The following NCAM2 variants were observed in gnomAD, a reference collection of about 807,000 sequenced individuals.
NCAM2 encodes the protein neural cell adhesion molecule 2, also known as N-CAM-2.
Under a neutral mutation model 98.1 loss-of-function variants are expected in NCAM2, and 30 were observed. The ratio of observed to expected loss-of-function variants is 0.31; its 90% CI spans 0.23 to 0.41. The LOEUF (loss-of-function observed/expected upper bound fraction) is 0.41, where lower values mean the gene tolerates loss of function less well. NCAM2 is among the 10% of genes least tolerant of loss of function. The pLI is 1.00. For synonymous variants in NCAM2, 368 were observed against 342.4 expected (o/e 1.07, Z -0.83); for missense variants, 867 against 1,005.8 (o/e 0.86, Z 1.87).
chr21:21,162,396 T>G (rs2067812174), intron 1 of NCAM2, among the ~76,000 whole-genome samples: 1 of 152,032 alleles, frequency 6.6e-6, no homozygotes, highest in African/African-American at 2.4e-5. Flanking sequence ...ACATAAAACA[T>G]AAAGATGAAT....
At chr21:21,205,389 A>T (rs1251185216) in intron 1 of NCAM2, among the ~76,000 whole-genome samples, 2 of 152,120 alleles carry the variant, frequency 1.3e-5, no homozygotes, top group East Asian at 3.9e-4. Context: ...TCAGAATCTG[A>T]TGGAGTGTAG....
chr21:21,394,788 C>A (rs945315428), intron 9 of NCAM2, among the ~76,000 whole-genome samples: 1 of 152,000 alleles, frequency 6.6e-6, no homozygotes, highest in African/African-American at 2.4e-5. Flanking sequence ...TTATAAAGGT[C>A]TAAGAAAGAC....
chr21:21,095,742 A>G (rs2066108992), intron 1 of NCAM2, among the ~76,000 whole-genome samples: 1 of 151,644 alleles, frequency 6.6e-6, no homozygotes, highest in Non-Finnish European at 1.5e-5. Context: ...GTATTTGATT[A>G]TCACCTATTT....
intron 1 of NCAM2, among the ~76,000 whole-genome samples, chr21:21,256,106 G>GTGGCTCACGCAGTGGCT (rs1461062623): frequency 1.3e-5 from 2 of 152,148 alleles, no homozygotes; most frequent in Admixed American, 6.6e-5. Flanking sequence ...TGTAATCCTA[G>GTGGCTCACGCAGTGGCT]CACTTTGGGA....
chr21:21,043,399 G>A (rs1419762184), intron 1 of NCAM2, among the ~76,000 whole-genome samples: 1 of 152,116 alleles, frequency 6.6e-6, no homozygotes, highest in Non-Finnish European at 1.5e-5. Context: ...ATGAGATAAT[G>A]TATATAAATT....
intron 5 of NCAM2, among the ~76,000 whole-genome samples, chr21:21,309,967 G>C (rs1206009930): frequency 6.6e-6 from 1 of 152,000 alleles, no homozygotes; most frequent in Non-Finnish European, 1.5e-5. Context: ...AGATAAATTG[G>C]GTATACGTTT....
chr21:21,282,503 A>T (rs577214259), intron 2 of NCAM2, among the ~76,000 whole-genome samples: 27 of 151,830 alleles, frequency 1.8e-4, no homozygotes, highest in Non-Finnish European at 2.5e-4. Context: ...TATAGTAGTA[A>T]AACAAGATTC....
chr21:21,057,425 A>C (rs898832145), intron 1 of NCAM2, among the ~76,000 whole-genome samples: 18 of 152,132 alleles, frequency 1.2e-4, no homozygotes, highest in Non-Finnish European at 2.1e-4. Context: ...TTCCATTTTA[A>C]AGATTTTATG....
chr21:21,498,350 T>G (rs2146327680), intron 15 of NCAM2, among the ~76,000 whole-genome samples: 1 of 152,294 alleles, frequency 6.6e-6, no homozygotes, highest in East Asian at 1.9e-4. Context: ...CTTTGCAGTT[T>G]TCTCTTCATA....
intron 1 of NCAM2, among the ~76,000 whole-genome samples, chr21:21,149,867 A>G (rs920624809): frequency 3.9e-5 from 6 of 152,156 alleles, no homozygotes; most frequent in African/African-American, 1.4e-4. Flanking sequence ...ATAATGTTTC[A>G]ATAAACATAC....
intron 1 of NCAM2, among the ~76,000 whole-genome samples, chr21:21,111,815 C>T (rs2066460219): frequency 1.3e-5 from 2 of 151,950 alleles, no homozygotes. Context: ...ATGGAACATT[C>T]CACTCCACTA....
chr21:21,225,667 A>T (rs2147155584), intron 1 of NCAM2, among the ~76,000 whole-genome samples: 1 of 152,150 alleles, frequency 6.6e-6, no homozygotes, highest in Admixed American at 6.6e-5. Flanking sequence ...TAATATCTTA[A>T]TATTTACTCA....
chr21:21,234,416 A>G (rs962386900), intron 1 of NCAM2, among the ~76,000 whole-genome samples: 2 of 152,006 alleles, frequency 1.3e-5, no homozygotes, highest in Non-Finnish European at 2.9e-5. Flanking sequence ...TCCTTGTAAG[A>G]ATATATATTA....
rs966202571 is a variant in NCAM2 at position 21,373,347 on chromosome 21, T to C, written c.1045-516T>C. On this transcript the variant is annotated intron_variant, in intron 8 of 17. Transcript: ENST00000400546. ...ATTATTTAGGCAATCAGGAACTATT[T>C]TTAATACAATATGAAATTTTGCCAG... 2.8e-4 allele frequency among the ~76,000 whole-genome samples: 42 copies of C among 151,912 alleles called. 1 individual carries two copies. The highest frequency in any genetic ancestry group is 1.0e-4 in the Non-Finnish European group (7 of 67,908).
At chr21:21,034,869 A>T (rs549893890) in intron 1 of NCAM2, among the ~76,000 whole-genome samples, 174 of 152,238 alleles carry the variant, frequency 1.1e-3, no homozygotes, top group African/African-American at 4.1e-3. Context: ...TAGTAGAAAC[A>T]GTGATTTACC....
chr21:21,154,495 T>G (rs540638811), intron 1 of NCAM2, among the ~76,000 whole-genome samples: 44 of 151,988 alleles, frequency 2.9e-4, no homozygotes, highest in African/African-American at 9.6e-4. Context: ...AATGAACTTA[T>G]AGATAAAATG....
At chr21:21,453,783 CTCA>C (rs1569080977) in intron 12 of NCAM2, among the ~76,000 whole-genome samples, 1 of 152,022 alleles carries the variant, frequency 6.6e-6, no homozygotes, top group African/African-American at 2.4e-5. Context: ...TTTTGAAATT[CTCA>C]TCTTTACTAG....
rs181911470 is a variant in NCAM2, at chr21:21,022,346, G to A, written c.55+23728G>A. ...AATACTTTACTTCCAGATTGTTAGA[G>A]AAGACAGCAAATAAAGGTAATAGTC... On this transcript the variant is annotated intron_variant, in intron 1 of 17. Coordinates refer to ENST00000400546, the MANE Select transcript of NCAM2 (RefSeq NM_004540.5). 6.4e-3 allele frequency among the ~76,000 whole-genome samples: 972 copies of A among 152,100 alleles called. 3 individuals carry two copies. The highest frequency in any genetic ancestry group is 9.9e-3 in the Non-Finnish European group (673 of 67,908).
rs527660937 is a variant in NCAM2, at chr21:21,089,304, A to T, written c.55+90686A>T. On this transcript the variant is annotated intron_variant, in intron 1 of 17. Coordinates refer to ENST00000400546, the MANE Select transcript of NCAM2 (RefSeq NM_004540.5). ...ATTATTGAAAAATTTCATCGAAAAGAATTTTGCTGTTCTCAAAGTTATGAT... is the reference window on the plus strand; with the variant it reads ...ATTATTGAAAAATTTCATCGAAAAGTATTTTGCTGTTCTCAAAGTTATGAT... Among the ~76,000 whole-genome samples, 210 of 152,250 alleles carry T rather than the reference A, an allele frequency of 1.4e-3. 1 individual carries two copies. Among genetic ancestry groups the T allele is most frequent in the African/African-American group, 4.9e-3 (204 of 41,560 alleles).
Sources: allele counts gnomAD v4.1 joint callset (sites outside exome capture counted in the v4.1 genomes callset), GRCh38; gene constraint gnomAD v4.1.1; transcripts MANE v1.5; gene names NCBI Gene and HGNC (gene_info 2026-07-23, HGNC 2026-07-21).